CTIF: variants seen among roughly 807,000 people sequenced by gnomAD.
CTIF encodes the protein CBP80/20-dependent translation initiation factor.
A neutral mutation model predicts 66.0 loss-of-function variants in CTIF; 21 were observed. That is an observed-to-expected ratio of 0.32 (90% CI 0.23 to 0.46). The LOEUF (loss-of-function observed/expected upper bound fraction) is 0.46. Ranked by LOEUF, CTIF falls within the 20% of genes least tolerant of loss-of-function variation. The pLI is 1.00. For synonymous variants in CTIF, 345 were observed against 326.4 expected, an observed-to-expected ratio of 1.06 and a Z score of -0.62; for missense variants, 739 against 812.7, an observed-to-expected ratio of 0.91 and a Z score of 1.10.
At chr18:48,557,243 G>GA (rs2089044045) in intron 1 of CTIF, among the ~76,000 whole-genome samples, 1 of 152,158 alleles carries the variant, frequency 6.6e-6, no homozygotes, top group African/African-American at 2.4e-5. Context: ...TGGAGACCTG[G>GA]AAATTCACAG....
At chr18:48,665,991 G>A (rs1378787813) in intron 5 of CTIF, among the ~76,000 whole-genome samples, 5 of 152,192 alleles carry the variant, frequency 3.3e-5, no homozygotes, top group Admixed American at 2.0e-4. Context: ...TTGCTGGGTT[G>A]TATGGTAATT....
intron 10 of CTIF, among the ~76,000 whole-genome samples, chr18:48,840,037 G>A (rs150603815): frequency 3.3e-4 from 50 of 152,330 alleles, no homozygotes; most frequent in African/African-American, 1.2e-3. Flanking sequence ...AGAAGCAACA[G>A]TTGCTCCCAG....
At chr18:48,817,126 G>A in intron 9 of CTIF, 95 bp from the exon 10 acceptor site, 1 of 1,273,526 alleles carries the variant, frequency 7.9e-7, no homozygotes, top group South Asian at 1.4e-5. Context: ...CTGCCCAGGA[G>A]CAGCCCCAAG....
intron 1 of CTIF, among the ~76,000 whole-genome samples, chr18:48,543,508 C>T (rs2088673917): frequency 6.6e-6 from 1 of 152,162 alleles, no homozygotes; most frequent in East Asian, 1.9e-4. Context: ...TAATGGTGGC[C>T]TTCTCCCTGT....
intron 10 of CTIF, among the ~76,000 whole-genome samples, chr18:48,836,187 C>T (rs1347081691): frequency 6.6e-6 from 1 of 152,074 alleles, no homozygotes; most frequent in African/African-American, 2.4e-5. Flanking sequence ...TGCTCTGGAG[C>T]ATTCAAGATC....
intron 3 of CTIF, among the ~76,000 whole-genome samples, chr18:48,637,434 G>C (rs1266813856): frequency 6.6e-6 from 1 of 152,198 alleles, no homozygotes; most frequent in Non-Finnish European, 1.5e-5. Flanking sequence ...AAAAACATGT[G>C]TCCCCATCCC....
intron 9 of CTIF, among the ~76,000 whole-genome samples, chr18:48,783,212 T>TG (rs1911402955): frequency 6.6e-6 from 1 of 152,040 alleles, no homozygotes; most frequent in African/African-American, 2.4e-5. Context: ...GAGGCCTAGC[T>TG]GGGGGGCTCC....
At chr18:48,648,132 C>G (rs1452430946) in intron 3 of CTIF, among the ~76,000 whole-genome samples, 1 of 152,122 alleles carries the variant, frequency 6.6e-6, no homozygotes, top group Non-Finnish European at 1.5e-5. Context: ...CCATTTAAAA[C>G]CTAAATCACA....
chr18:48,789,908 G>A (rs2067755391), intron 9 of CTIF, among the ~76,000 whole-genome samples: 1 of 152,192 alleles, frequency 6.6e-6, no homozygotes, highest in South Asian at 2.1e-4. Flanking sequence ...CTAGAGCCTG[G>A]CCCCTGGCTT....
intron 7 of CTIF, chr18:48,755,973 C>G (rs1908321400): frequency 6.6e-6 from 1 of 152,188 alleles, no homozygotes; most frequent in Non-Finnish European, 1.5e-5. Flanking sequence ...TGGGGTTTTC[C>G]TCTTGGCTCA....
chr18:48,628,807 C>T (rs1405189393), intron 2 of CTIF, among the ~76,000 whole-genome samples: 1 of 152,158 alleles, frequency 6.6e-6, no homozygotes, highest in African/African-American at 2.4e-5. Flanking sequence ...GCAAAAGCCT[C>T]CCTCTCTCTC....
At chr18:48,814,587 A>G (rs1302506403) in intron 9 of CTIF, among the ~76,000 whole-genome samples, 1 of 152,238 alleles carries the variant, frequency 6.6e-6, no homozygotes, top group Non-Finnish European at 1.5e-5. Flanking sequence ...CTCAGATCAC[A>G]TAAGAATATT....
At chr18:48,677,953 T>C (rs757564043) in intron 6 of CTIF, among the ~76,000 whole-genome samples, 5 of 152,168 alleles carry the variant, frequency 3.3e-5, no homozygotes, top group Admixed American at 6.5e-5. Flanking sequence ...CTGGGAAATG[T>C]TTATTCTATT....
chr18:48,591,739 C>T (rs2089891049), intron 1 of CTIF, among the ~76,000 whole-genome samples: 2 of 152,152 alleles, frequency 1.3e-5, no homozygotes. Context: ...TGGTGCTGCA[C>T]TTTTTCTTTT....
chr18:48,829,187 C>A (rs1331093952), intron 10 of CTIF, among the ~76,000 whole-genome samples: 1 of 152,168 alleles, frequency 6.6e-6, no homozygotes, highest in African/African-American at 2.4e-5. Context: ...TACACAGGCA[C>A]AAGCATCCGT....
intron 1 of CTIF, among the ~76,000 whole-genome samples, chr18:48,555,130 C>T (rs889951987): frequency 1.3e-5 from 2 of 152,166 alleles, no homozygotes; most frequent in East Asian, 1.9e-4. Context: ...GAATGGAATA[C>T]GGTGTTCGAG....
intron 6 of CTIF, among the ~76,000 whole-genome samples, chr18:48,699,662 G>C (rs988591925): frequency 4.6e-5 from 7 of 152,314 alleles, no homozygotes; most frequent in Admixed American, 1.3e-4. Flanking sequence ...GGCCTTCCTA[G>C]CCCAGGGGTC....
chr18:48,580,595 G>A (rs1310007928), intron 1 of CTIF, among the ~76,000 whole-genome samples: 1 of 152,172 alleles, frequency 6.6e-6, no homozygotes, highest in African/African-American at 2.4e-5. Context: ...CCATTGGTGG[G>A]AGCACCACAC....
intron 2 of CTIF, among the ~76,000 whole-genome samples, chr18:48,627,229 AT>A (rs1363677413): frequency 3.9e-5 from 6 of 152,202 alleles, no homozygotes; most frequent in African/African-American, 1.4e-4. Flanking sequence ...AGGTGGTAAA[AT>A]ATAATAGAAT....
Sources: gnomAD v4.1 joint callset for allele counts (sites outside exome capture counted in the v4.1 genomes callset) on GRCh38, gnomAD v4.1.1 for gene constraint, MANE v1.5 for transcripts, NCBI Gene and HGNC (gene_info 2026-07-23, HGNC 2026-07-21) for gene names.